Variants in SPATA1 observed in about 807,000 individuals in gnomAD.
SPATA1 encodes the protein spermatogenesis associated 1.
In SPATA1, 57 loss-of-function variants were observed where a neutral mutation model predicts 59.6. The ratio of observed to expected loss-of-function variants is 0.96; its 90% CI spans 0.77 to 1.19. SPATA1 has a LOEUF of 1.19. Among genes scored for constraint, SPATA1 ranks in the 50% most tolerant of loss-of-function variants. The pLI is 0.00. For synonymous variants in SPATA1, 147 were observed against 163.9 expected (o/e 0.90, Z 0.79); for missense variants, 448 against 480.7 (o/e 0.93, Z 0.64).
intron 8 of SPATA1, among the ~76,000 whole-genome samples, chr1:84,539,989 C>A (rs1053809206): frequency 6.6e-6 from 1 of 152,134 alleles, no homozygotes; most frequent in Non-Finnish European, 1.5e-5. Context: ...TCATTTAATG[C>A]CTTTTTGGCC....
chr1:84,558,962 T>C (rs1684531652), downstream of SPATA1, among the ~76,000 whole-genome samples: 1 of 152,130 alleles, frequency 6.6e-6, no homozygotes. Flanking sequence ...AAGCCACAGA[T>C]TACTAAGGTC....
intron 6 of SPATA1, among the ~76,000 whole-genome samples, chr1:84,528,955 C>T (rs1683346036): frequency 6.6e-6 from 1 of 152,058 alleles, no homozygotes; most frequent in South Asian, 2.1e-4. Context: ...CCCAAAATAT[C>T]ATTCATTCCC....
chr1:84,556,062 T>G (rs1226974225), downstream of SPATA1: 1 of 152,198 alleles, frequency 6.6e-6, no homozygotes, highest in East Asian at 1.9e-4. Flanking sequence ...TGCACTTTAT[T>G]GGTGACTTAA....
chr1:84,554,591 C>G (rs1190778787), downstream of SPATA1: 3 of 164,880 alleles, frequency 1.8e-5, no homozygotes, highest in Non-Finnish European at 4.0e-5. Flanking sequence ...ATAGCACAAA[C>G]TGCTTTTCAA....
chr1:84,507,681 A>G (rs939329639), intron 1 of SPATA1, among the ~76,000 whole-genome samples: 8 of 152,376 alleles, frequency 5.3e-5, no homozygotes, highest in African/African-American at 1.9e-4. Context: ...ATTAAACACA[A>G]GTATCTATTC....
At chr1:84,508,289 A>ATTTTCCATTCCTGGCAGT (rs1682369844) in intron 1 of SPATA1, among the ~76,000 whole-genome samples, 1 of 152,090 alleles carries the variant, frequency 6.6e-6, no homozygotes, top group Non-Finnish European at 1.5e-5. Flanking sequence ...TCTCAAAAAA[A>ATTTTCCATTCCTGGCAGT]AAAAAACAAA....
intron 2 of SPATA1, chr1:84,520,332 A>G (rs1457991017): frequency 8.9e-6 from 3 of 336,426 alleles, no homozygotes; most frequent in Non-Finnish European, 1.6e-5. Flanking sequence ...AAAACACCAT[A>G]TGCCAAAGAT....
chr1:84,539,149 T>C (rs1683820374), intron 8 of SPATA1, among the ~76,000 whole-genome samples: 1 of 152,140 alleles, frequency 6.6e-6, no homozygotes, highest in African/African-American at 2.4e-5. Flanking sequence ...GCTTGATGTA[T>C]AGTAGATTGG....
At chr1:84,550,559 T>C in intron 12 of SPATA1, 29 bp downstream of exon 12, 1 of 1,473,552 alleles carries the variant, frequency 6.8e-7, no homozygotes, top group South Asian at 1.4e-5. Context: ...AATCAGATTA[T>C]TATAACATTT....
exon 6 of SPATA1, chr1:84,526,027 G>T (rs751265681): frequency 1.2e-6 from 2 of 1,613,060 alleles, no homozygotes; most frequent in South Asian, 2.2e-5. Flanking sequence ...ATCCCAGTTT[G>T]TTAGAAAACA....
rs1198314382 is a variant in SPATA1, at chr1:84,533,750, G to A, written c.701G>A (p.Arg234Lys). The change falls in exon 8 of 13, where the codon AGA (arginine) becomes AAA (lysine). Residue 234 changes from arginine to lysine, a missense_variant. Coordinates refer to ENST00000490879, the Ensembl canonical transcript of SPATA1. ...AATGAAGATGATACAGCTATCAGTA[G>A]AAGACAGGACAATCAGGTACTATTT... 1.9e-6 allele frequency: 3 copies of A among 1,564,328 alleles called. No individual in the cohort carries two copies. The Admixed American group carries it at 5.7e-5, about 30-fold the overall frequency.
chr1:84,533,147 C>T (rs1378105474), intron 7 of SPATA1, among the ~76,000 whole-genome samples, 173 bp downstream of exon 7: 1 of 152,132 alleles, frequency 6.6e-6, no homozygotes, highest in Non-Finnish European at 1.5e-5. Flanking sequence ...TAACATTCCT[C>T]TCCAAGATAA....
intron 8 of SPATA1, among the ~76,000 whole-genome samples, chr1:84,542,558 C>G (rs1683946479): frequency 6.6e-6 from 1 of 152,026 alleles, no homozygotes; most frequent in Non-Finnish European, 1.5e-5. Context: ...TCCAGGCTAA[C>G]TCGTGATTGG....
At chr1:84,552,559 G>GAA (rs1412411058) in intron 12 of SPATA1, 1 of 148,088 alleles carries the variant, frequency 6.8e-6, no homozygotes, top group Admixed American at 6.7e-5. Flanking sequence ...TAAAATTTTT[G>GAA]AAAAAAAAAT....
intron 4 of SPATA1, among the ~76,000 whole-genome samples, chr1:84,564,682 AAC>A (rs1487602600): frequency 6.6e-6 from 1 of 152,148 alleles, no homozygotes; most frequent in Non-Finnish European, 1.5e-5. Flanking sequence ...TCTTGCCTGA[AAC>A]ACAGTTTGGG....
chr1:84,563,252 CTTACT>C (rs765332001), intron 4 of SPATA1: 13 of 1,473,444 alleles, frequency 8.8e-6, no homozygotes, highest in East Asian at 2.6e-5. Flanking sequence ...TACGAAAAGT[CTTACT>C]TTATAGTTAT....
chr1:84,530,300 AT>A (rs1439486160), intron 6 of SPATA1, among the ~76,000 whole-genome samples: 6 of 152,154 alleles, frequency 3.9e-5, no homozygotes, highest in African/African-American at 1.2e-4. Context: ...CGTGATATGA[AT>A]GAAGCTTTCA....
intron 4 of SPATA1, among the ~76,000 whole-genome samples, chr1:84,564,849 T>C (rs920526669): frequency 6.6e-6 from 1 of 151,744 alleles, no homozygotes; most frequent in African/African-American, 2.4e-5. Flanking sequence ...CTGGGCAACA[T>C]AGTATGACTC....
intron 1 of SPATA1, among the ~76,000 whole-genome samples, chr1:84,511,208 C>A (rs1017097472): frequency 6.6e-6 from 1 of 152,116 alleles, no homozygotes; most frequent in Non-Finnish European, 1.5e-5. Flanking sequence ...ACCCTATTTA[C>A]CCTGATGTGC....
Sources: gnomAD v4.1 joint callset for allele counts (sites outside exome capture counted in the v4.1 genomes callset) on GRCh38, gnomAD v4.1.1 for gene constraint, MANE v1.5 for transcripts, NCBI Gene and HGNC (gene_info 2026-07-23, HGNC 2026-07-21) for gene names.